SNX18: variants seen among roughly 807,000 people sequenced by gnomAD.
SNX18 encodes sorting nexin-18.
A neutral mutation model predicts 48.7 loss-of-function variants in SNX18; 35 were observed. The ratio of observed to expected loss-of-function variants is 0.72; its 90% CI spans 0.55 to 0.95. SNX18 has a LOEUF of 0.95. SNX18 is among the 40% of genes least tolerant of loss of function. The probability of loss-of-function intolerance (pLI) is 0.00; values close to 1 mark genes in which losing one functional copy is unlikely to be tolerated. For synonymous variants in SNX18, 492 were observed against 384.7 expected (o/e 1.28, Z -3.26); for missense variants, 824 against 871.0 (o/e 0.95, Z 0.68).
chr5:54,562,188 TGA>T, the SNX18 span, among the ~76,000 whole-genome samples: 1 of 152,178 alleles, frequency 6.6e-6, no homozygotes, highest in Non-Finnish European at 1.5e-5. Flanking sequence ...TCCCTGTTAC[TGA>T]TGAAGGTGTT....
the SNX18 span, among the ~76,000 whole-genome samples, chr5:54,564,583 G>A: frequency 3.3e-5 from 5 of 152,062 alleles, no homozygotes; most frequent in African/African-American, 1.2e-4. Flanking sequence ...TAGGCTGGGC[G>A]CAGTGGCTCA....
At chr5:54,592,987 G>T in the SNX18 span, among the ~76,000 whole-genome samples, 1 of 152,098 alleles carries the variant, frequency 6.6e-6, no homozygotes, top group Non-Finnish European at 1.5e-5. Flanking sequence ...TTTTAGTAGA[G>T]ACCGGGTTTC....
the SNX18 span, among the ~76,000 whole-genome samples, chr5:54,640,018 A>G: frequency 1.3e-5 from 2 of 152,162 alleles, no homozygotes; most frequent in African/African-American, 2.4e-5. Flanking sequence ...ATATTCTTTG[A>G]TAAGTGAATG....
the SNX18 span, among the ~76,000 whole-genome samples, chr5:54,619,947 A>G: frequency 4.9e-4 from 74 of 152,336 alleles, no homozygotes; most frequent in African/African-American, 1.7e-3. Flanking sequence ...TACATTTTAC[A>G]TCAGCTAAAG....
At chr5:54,531,882 T>C (rs1762258276) in intron 1 of SNX18, among the ~76,000 whole-genome samples, 1 of 152,208 alleles carries the variant, frequency 6.6e-6, no homozygotes, top group Non-Finnish European at 1.5e-5. Flanking sequence ...TACATGGCAA[T>C]TGGGACAATG....
At chr5:54,643,285 T>C in the SNX18 span, among the ~76,000 whole-genome samples, 10 of 152,210 alleles carry the variant, frequency 6.6e-5, no homozygotes. Context: ...TTTGCCATAA[T>C]GTATTTTCTC....
the SNX18 span, among the ~76,000 whole-genome samples, chr5:54,552,877 G>A: frequency 1.3e-5 from 2 of 152,122 alleles, no homozygotes; most frequent in African/African-American, 2.4e-5. Context: ...GGAGTATGAG[G>A]AGTGAGGAGA....
the SNX18 span, among the ~76,000 whole-genome samples, chr5:54,599,081 C>T: frequency 6.6e-6 from 1 of 152,100 alleles, no homozygotes; most frequent in Non-Finnish European, 1.5e-5. Context: ...TTCTTATACA[C>T]CAACAACAGG....
At position 54,543,327 on chromosome 5, in the gene SNX18, A is replaced by G. The variant is rs374668194; in HGVS notation, c.1770A>G (p.Arg590=). 2.4e-4 allele frequency: 382 copies of G among 1,614,084 alleles called. No homozygotes were observed. The highest frequency in any genetic ancestry group is 3.0e-4 in the Non-Finnish European group (357 of 1,180,040). The change falls in exon 2 of 2, where the codon AGA becomes AGG. Residue 590 remains arginine (R), a synonymous_variant. Coordinates refer to ENST00000381410, the MANE Select transcript of SNX18 (RefSeq NM_001102575.2). ...EIHHFHQIRV[R]DFKSQMQHFL... is the part of the protein sequence containing the mutation. ...ACCACTTCCATCAAATTCGAGTGAG[A>G]GACTTTAAATCACAGATGCAGCATT...
intron 1 of SNX18, among the ~76,000 whole-genome samples, chr5:54,527,223 A>T (rs1423443884): frequency 6.6e-6 from 1 of 152,190 alleles, no homozygotes; most frequent in African/African-American, 2.4e-5. Flanking sequence ...GTCCAGAGCA[A>T]TGAGAATAGA....
rs576033797 is a variant in SNX18, at chr5:54,536,188, C to T, written c.1622-6991C>T. ...CACTGTATTGGGATGTGGTTGAAAT[C>T]GATTGCCTCACTTTAAATAATTATT... On this transcript the variant is annotated intron_variant, in intron 1 of 1. Coordinates refer to ENST00000381410, the MANE Select transcript of SNX18 (RefSeq NM_001102575.2). Among the ~76,000 whole-genome samples, 89 of 152,208 alleles carry T rather than the reference C, an allele frequency of 5.8e-4. No individual in the cohort carries two copies. In the South Asian group the frequency reaches 8.1e-3, roughly 14 times the overall value.
chr5:54,518,243 C>G lies in SNX18; in HGVS notation c.291C>G (p.Phe97Leu), dbSNP rs1226316367. 6.9e-7 allele frequency: 1 copy of G among 1,451,720 alleles called. No homozygotes were observed. Among genetic ancestry groups the G allele is most frequent in the African/African-American group, 1.5e-5 (1 of 67,060 alleles). 89.9% of individuals were successfully genotyped at this position (1,451,720 alleles called of 1,614,324 possible). ...EPLPVAPPASFKPPPDAFQAL... is the reference protein window; with the variant it reads ...EPLPVAPPASLKPPPDAFQAL... ...TGCCTGTCGCGCCCCCCGCCTCCTT[C>G]AAGCCGCCGCCTGACGCCTTCCAGG... The change falls in exon 1 of 2, where the codon TTC (phenylalanine) becomes TTG (leucine). Residue 97 changes from phenylalanine (F) to leucine (L), a missense_variant. Coordinates refer to ENST00000381410, the MANE Select transcript of SNX18 (RefSeq NM_001102575.2).
chr5:54,643,234 C>T, the SNX18 span, among the ~76,000 whole-genome samples: 2 of 152,156 alleles, frequency 1.3e-5, no homozygotes, highest in Non-Finnish European at 2.9e-5. Context: ...TACATACTCT[C>T]ACATAATGGT....
At chr5:54,627,600 A>G in the SNX18 span, among the ~76,000 whole-genome samples, 2 of 152,088 alleles carry the variant, frequency 1.3e-5, no homozygotes, top group Non-Finnish European at 1.5e-5. Context: ...TGGGAGGGTT[A>G]AGGTTTGTTA....
chr5:54,596,319 C>T, the SNX18 span, among the ~76,000 whole-genome samples: 1 of 149,468 alleles, frequency 6.7e-6, no homozygotes, highest in Non-Finnish European at 1.5e-5. Context: ...CACTATAGCT[C>T]TCCCCACCAT....
At chr5:54,581,820 A>G in the SNX18 span, among the ~76,000 whole-genome samples, 4 of 152,136 alleles carry the variant, frequency 2.6e-5, no homozygotes, top group Non-Finnish European at 5.9e-5. Flanking sequence ...TGTTCAGTGA[A>G]TTGTTGCAAT....
the SNX18 span, among the ~76,000 whole-genome samples, chr5:54,640,937 G>A: frequency 6.6e-6 from 1 of 152,186 alleles, no homozygotes; most frequent in Non-Finnish European, 1.5e-5. Context: ...GCACATGCCT[G>A]TAGTCCCAGA....
At chr5:54,632,427 T>G in the SNX18 span, among the ~76,000 whole-genome samples, 1 of 152,320 alleles carries the variant, frequency 6.6e-6, no homozygotes, top group Admixed American at 6.5e-5. Context: ...AACTGGGCCT[T>G]GCAAACAGAG....
rs1437124306 is a variant in SNX18 at position 54,525,126 on chromosome 5, CTCACTTATCTT to C, written c.1621+5555_1621+5565del. On this transcript the variant is annotated intron_variant, in intron 1 of 1. Transcript: ENST00000381410. ...ACAAGCTATTTTAACCTGCGTAACG[CTCACTTATCTT>C]TGGCCAAGTGGGGGCACTTCCTCAC... Among the ~76,000 whole-genome samples, 4 of 152,236 alleles carry C rather than the reference CTCACTTATCTT, an allele frequency of 2.6e-5. No individual in the cohort carries two copies. The East Asian group carries it at 7.7e-4, about 29-fold the overall frequency.
Sources: gnomAD v4.1 joint callset for allele counts (sites outside exome capture counted in the v4.1 genomes callset) on GRCh38, gnomAD v4.1.1 for gene constraint, MANE v1.5 for transcripts, NCBI Gene and HGNC (gene_info 2026-07-23, HGNC 2026-07-21) for gene names.